ANKRD31: variants seen among roughly 807,000 people sequenced by gnomAD.
The protein encoded by ANKRD31 is ankyrin repeat domain-containing protein 31.
A neutral mutation model predicts 186.0 loss-of-function variants in ANKRD31; 147 were observed. That is an observed-to-expected ratio of 0.79 (90% confidence interval 0.69 to 0.91). The LOEUF is 0.91. Among genes scored for constraint, ANKRD31 ranks in the 40% least tolerant of loss-of-function variants. The pLI is 0.00. For missense variants in ANKRD31, 1,986 were observed against 2,148.8 expected, an observed-to-expected ratio of 0.92 and a Z score of 1.50; for synonymous variants, 673 against 736.4, an observed-to-expected ratio of 0.91 and a Z score of 1.39.
intron 10 of ANKRD31, among the ~76,000 whole-genome samples, chr5:75,185,684 A>G (rs1754661723): frequency 6.6e-6 from 1 of 152,166 alleles, no homozygotes; most frequent in South Asian, 2.1e-4. Context: ...TGTTCCTAAC[A>G]TAAAGAAATG....
At chr5:75,097,264 A>G (rs1746408340) in intron 22 of ANKRD31, among the ~76,000 whole-genome samples, 1 of 152,204 alleles carries the variant, frequency 6.6e-6, no homozygotes, top group African/African-American at 2.4e-5. Flanking sequence ...GAACTAGTTT[A>G]CAGTGCCACC....
intron 25 of ANKRD31, among the ~76,000 whole-genome samples, chr5:75,079,192 A>C (rs939103527): frequency 4.6e-5 from 7 of 152,234 alleles, no homozygotes; most frequent in African/African-American, 1.7e-4. Flanking sequence ...CACTGAAGAA[A>C]GTTGTAAGAT....
At chr5:75,070,300 CTA>C (rs1446986117) in intron 25 of ANKRD31, among the ~76,000 whole-genome samples, 2 of 152,104 alleles carry the variant, frequency 1.3e-5, no homozygotes, top group Non-Finnish European at 2.9e-5. Flanking sequence ...CAAAATTAGC[CTA>C]GTTTCATCAT....
At chr5:75,162,749 T>C (rs1226581144) in intron 11 of ANKRD31, among the ~76,000 whole-genome samples, 1 of 152,080 alleles carries the variant, frequency 6.6e-6, no homozygotes, top group African/African-American at 2.4e-5. Context: ...TCCCATACTG[T>C]TCTCATGTTA....
chr5:75,133,080 G>T (rs1252852640), intron 17 of ANKRD31, among the ~76,000 whole-genome samples: 5 of 152,116 alleles, frequency 3.3e-5, no homozygotes, highest in Non-Finnish European at 5.9e-5. Context: ...AAAGACCGTC[G>T]ATGCTAGGAA....
chr5:75,196,069 T>C lies in ANKRD31; in HGVS notation c.579A>G (p.Thr193=). The part of the protein sequence containing the change: ...EPEKILAAPN[T]FFEPRKEVTM... ...TGACTTCCTTTCTAGGCTCAAAAAA[T>C]GTATTTGGTGCTGCTAAAATCTTCT... is the stretch of plus-strand genomic sequence containing the variant. Residue 193 remains threonine (T), a synonymous_variant, in exon 7 of 26, where the codon ACA becomes ACG. Transcript: ENST00000506364. 6.5e-7 allele frequency: 1 copy of C among 1,536,808 alleles called. No homozygotes were observed. Among genetic ancestry groups the C allele is most frequent in the Non-Finnish European group, 8.7e-7 (1 of 1,146,704 alleles).
chr5:75,207,602 T>C (rs1014937818), intron 4 of ANKRD31, among the ~76,000 whole-genome samples: 1 of 152,064 alleles, frequency 6.6e-6, no homozygotes, highest in African/African-American at 2.4e-5. Context: ...AAAAACATTA[T>C]GACACAAGAA....
At chr5:75,071,907 G>C (rs1197223935) in intron 25 of ANKRD31, among the ~76,000 whole-genome samples, 3 of 152,214 alleles carry the variant, frequency 2.0e-5, no homozygotes, top group African/African-American at 7.2e-5. Flanking sequence ...GTGCAGAGCA[G>C]GGAGGCCTCT....
At chr5:75,201,587 T>C (rs1233771591) in intron 5 of ANKRD31, among the ~76,000 whole-genome samples, 2 of 152,174 alleles carry the variant, frequency 1.3e-5, no homozygotes, top group African/African-American at 4.8e-5. Flanking sequence ...AGACATTTTC[T>C]CCCATGTTGT....
At chr5:75,181,079 T>C (rs1293882757) in intron 10 of ANKRD31, among the ~76,000 whole-genome samples, 2 of 149,346 alleles carry the variant, frequency 1.3e-5, no homozygotes, top group Admixed American at 6.7e-5. Context: ...GCAAAGGATA[T>C]GAATAGACAC....
intron 22 of ANKRD31, among the ~76,000 whole-genome samples, chr5:75,100,181 C>T (rs1021298760): frequency 1.3e-5 from 2 of 152,084 alleles, no homozygotes; most frequent in African/African-American, 4.8e-5. Flanking sequence ...TTGTTATGTA[C>T]CCAGTAGTCA....
chr5:75,230,849 A>G (rs371383796), intron 1 of ANKRD31, among the ~76,000 whole-genome samples: 2 of 152,318 alleles, frequency 1.3e-5, no homozygotes, highest in East Asian at 1.9e-4. Context: ...AATTTTACAA[A>G]TATTCTGTTA....
In ANKRD31 at chr5:75,068,593, G is replaced by C. The variant is rs1561386336; in HGVS notation, c.5719C>G (p.Gln1907Glu). Residue 1907 changes from glutamine to glutamate, a missense_variant, in exon 26 of 26, where the codon CAA becomes GAA. Coordinates refer to ENST00000506364, the MANE Select transcript of ANKRD31 (RefSeq NM_001372053.1). Reference protein sequence around the residue: ...QINEILLISDQEFLPCHIMDQ... With the variant: ...QINEILLISDEEFLPCHIMDQ... ...ATTATGTGGCATGGGAGAAATTCTTGATCACTGATTAATAGTATTTCATTT... is the reference window on the plus strand; with the variant it reads ...ATTATGTGGCATGGGAGAAATTCTTCATCACTGATTAATAGTATTTCATTT... The C allele has an allele frequency of 2.6e-6, 4 of 1,525,338 alleles. No homozygotes were observed. Among genetic ancestry groups the C allele is most frequent in the Admixed American group, 4.0e-5 (2 of 49,412 alleles). 94.5% of individuals were successfully genotyped at this position (1,525,338 alleles called of 1,614,324 possible). A position where few individuals can be genotyped will look rare whatever the true frequency, so the allele number is the denominator to read the frequency against.
At chr5:75,103,990 T>G (rs920226482) in intron 22 of ANKRD31, among the ~76,000 whole-genome samples, 1 of 152,184 alleles carries the variant, frequency 6.6e-6, no homozygotes, top group African/African-American at 2.4e-5. Flanking sequence ...ATCCTGCACA[T>G]GTATCCTGGA....
intron 3 of ANKRD31, among the ~76,000 whole-genome samples, chr5:75,214,953 G>A (rs1756874202): frequency 6.6e-6 from 1 of 152,166 alleles, no homozygotes; most frequent in African/African-American, 2.4e-5. Flanking sequence ...TGTAGAAAGA[G>A]ATTTATTATA....
chr5:75,072,565 T>G (rs1744321667), intron 25 of ANKRD31, among the ~76,000 whole-genome samples: 1 of 152,180 alleles, frequency 6.6e-6, no homozygotes, highest in African/African-American at 2.4e-5. Flanking sequence ...GACTAAATCT[T>G]TGTGTGTTGA....
chr5:75,222,324 C>T lies in ANKRD31; in HGVS notation c.213G>A (p.Lys71=). 2 of 1,536,724 alleles carry T rather than the reference C, an allele frequency of 1.3e-6. No homozygotes were observed. The highest frequency in any genetic ancestry group is 1.7e-6 in the Non-Finnish European group (2 of 1,146,704). ...MPSPEIQLGF[K]LREDLQEQMN... ...TTTGCTCTTGCAGATCCTCTCTGAG[C>T]TTAAATCCAAGTTGAATCTCAGGAG... The change falls in exon 3 of 26, where the codon AAG becomes AAA. Residue 71 remains lysine, a synonymous_variant. Transcript: ENST00000506364.
intron 11 of ANKRD31, among the ~76,000 whole-genome samples, chr5:75,167,639 C>G (rs16872437): frequency 0.054 from 8,279 of 152,190 alleles, 525 homozygotes; most frequent in African/African-American, 0.15. Context: ...GGAATAGAGG[C>G]CTGTGTCTTT....
At chr5:75,184,368 G>C (rs1754552233) in intron 10 of ANKRD31, among the ~76,000 whole-genome samples, 1 of 151,856 alleles carries the variant, frequency 6.6e-6, no homozygotes, top group Non-Finnish European at 1.5e-5. Context: ...AAAAGCACAG[G>C]CAACAAAATT....
Sources: allele counts gnomAD v4.1 joint callset (sites outside exome capture counted in the v4.1 genomes callset), GRCh38; gene constraint gnomAD v4.1.1; transcripts MANE v1.5; gene names NCBI Gene and HGNC (gene_info 2026-07-23, HGNC 2026-07-21).